Variants in DYRK3 observed in about 807,000 individuals in gnomAD.
DYRK3 encodes dual specificity tyrosine-phosphorylation-regulated kinase 3.
Under a neutral mutation model 40.8 loss-of-function variants are expected in DYRK3, and 30 were observed. The ratio of observed to expected loss-of-function variants is 0.74; its 90% CI spans 0.55 to 1.00. DYRK3 has a LOEUF of 1.00. Ranked by LOEUF, DYRK3 falls within the 50% of genes least tolerant of loss-of-function variation. The pLI, the probability that DYRK3 is intolerant of heterozygous loss-of-function variation, is 0.00. For missense variants in DYRK3, 699 were observed against 731.5 expected (o/e 0.96, Z 0.51); for synonymous variants, 272 against 260.7 (o/e 1.04, Z -0.42).
rs547536454 is a variant in DYRK3, at chr1:206,653,217, C to T, written c.*4252C>T. On this transcript the variant is annotated 3_prime_UTR_variant, in exon 3 of 3. Transcript: ENST00000367109. ...TATATCTGTAGAGAGGGGGTTTCAC[C>T]ATGTTGCTCGGGCTGGTCTTGAACT... Among the ~76,000 whole-genome samples, 5 of 152,146 alleles carry T rather than the reference C, an allele frequency of 3.3e-5. No individual in the cohort carries two copies. Among genetic ancestry groups the T allele is most frequent in the African/African-American group, 1.2e-4 (5 of 41,468 alleles).
intron 2 of DYRK3, among the ~76,000 whole-genome samples, chr1:206,638,865 AC>A (rs1671195839): frequency 6.9e-6 from 1 of 145,054 alleles, no homozygotes; most frequent in Non-Finnish European, 1.5e-5. Context: ...CTTAAAATCA[AC>A]CTTTTTCCTT....
Position 206,647,940 on chromosome 1 carries a change from C to CG in DYRK3, c.743dup (p.Gln249SerfsTer4). The CG allele has an allele frequency of 2.5e-6, 4 of 1,614,022 alleles. No homozygotes were observed. Among genetic ancestry groups the CG allele is most frequent in the Non-Finnish European group, 3.4e-6 (4 of 1,180,012 alleles). On this transcript the variant is annotated frameshift_variant, in exon 3 of 3. Transcript: ENST00000367109. LOFTEE classifies it high-confidence loss of function. ...GGTGCGCAATGAGAAGCGCTTTCAT[C>CG]GTCAAGCAGCTGAGGAGATCCGGAT...
rs200284299 is a variant in DYRK3, at chr1:206,648,677, C to T, written c.1479C>T (p.Tyr493=). The T allele has an allele frequency of 1.2e-6, 2 of 1,614,020 alleles. No individual in the cohort carries two copies. Among genetic ancestry groups the T allele is most frequent in the South Asian group, 1.1e-5 (1 of 91,074 alleles). ...CAGCACTGAAAGGGTGTGATGACTA[C>T]TTGTTTATAGAGTTCTTGAAAAGGT... ...WGTALKGCDD[Y]LFIEFLKRCL... is the part of the protein sequence containing the mutation. Residue 493 remains tyrosine, a synonymous_variant, in exon 3 of 3, where the codon TAC becomes TAT. Transcript: ENST00000367109.
At chr1:206,645,723 T>C (rs1671432630) in intron 2 of DYRK3, among the ~76,000 whole-genome samples, 1 of 151,588 alleles carries the variant, frequency 6.6e-6, no homozygotes, top group Non-Finnish European at 1.5e-5. Flanking sequence ...GGTGGGGTTT[T>C]GCCATGTTGG....
Position 206,648,822 on chromosome 1 carries a change from G to A in DYRK3, c.1624G>A (p.Val542Ile). The change falls in exon 3 of 3, where the codon GTT becomes ATT. Residue 542 changes from valine to isoleucine, a missense_variant. Physicochemically the swap from Val to Ile is conservative, Grantham distance 29. Coordinates refer to ENST00000367109, the MANE Select transcript of DYRK3 (RefSeq NM_003582.4). Reference sequence around the variant, plus strand: ...AGACAAGGTGTCAGGGAAACGGGTAGTTAATCCTGCAAGTGCTTTCCAGGG... The same window carrying A: ...AGACAAGGTGTCAGGGAAACGGGTAATTAATCCTGCAAGTGCTTTCCAGGG... ...TIDKVSGKRV[V>I]NPASAFQGLG... The A allele has an allele frequency of 6.2e-7, 1 of 1,614,222 alleles. No homozygotes were observed. Among genetic ancestry groups the A allele is most frequent in the Non-Finnish European group, 8.5e-7 (1 of 1,180,038 alleles).
intron 1 of DYRK3, chr1:206,636,006 G>C: frequency 5.6e-6 from 8 of 1,433,394 alleles, no homozygotes; most frequent in Non-Finnish European, 7.3e-6. Flanking sequence ...CGGAGTTAGA[G>C]CAAGAAGAAT....
intron 2 of DYRK3, among the ~76,000 whole-genome samples, chr1:206,644,179 C>A (rs1230689703): frequency 6.6e-6 from 1 of 151,802 alleles, no homozygotes; most frequent in Non-Finnish European, 1.5e-5. Flanking sequence ...GGATTACAGG[C>A]ACACACTACC....
rs1553421543 is a variant in DYRK3, at chr1:206,653,284, C to G, written c.*4319C>G. On this transcript the variant is annotated 3_prime_UTR_variant, in exon 3 of 3. Coordinates refer to ENST00000367109, the MANE Select transcript of DYRK3 (RefSeq NM_003582.4). ...CCATGTGCCTTACCCTCTCAAAGTGCTGGGATTATAGGTGTGAGCGACCGT... is the reference window on the plus strand; with the variant it reads ...CCATGTGCCTTACCCTCTCAAAGTGGTGGGATTATAGGTGTGAGCGACCGT... Among the ~76,000 whole-genome samples the G allele has an allele frequency of 6.6e-6, 1 of 152,144 alleles. No individual in the cohort carries two copies. Among genetic ancestry groups the G allele is most frequent in the Non-Finnish European group, 1.5e-5 (1 of 68,026 alleles).
intron 2 of DYRK3, among the ~76,000 whole-genome samples, chr1:206,641,900 A>G (rs1433887095): frequency 6.6e-6 from 1 of 150,780 alleles, no homozygotes; most frequent in Non-Finnish European, 1.5e-5. Context: ...ACCAAATGCA[A>G]CGGCAACAAA....
In DYRK3 at chr1:206,651,163, ATGC is replaced by A. The variant is rs1405273830; in HGVS notation, c.*2203_*2205del. On this transcript the variant is annotated 3_prime_UTR_variant, in exon 3 of 3. Transcript: ENST00000367109. ...TTGATCTCTTCAGATGTCACACTAA[ATGC>A]TGCTCATAACCCATCCTCCTCTTCT... Among the ~76,000 whole-genome samples the A allele has an allele frequency of 6.6e-6, 1 of 152,192 alleles. No homozygotes were observed. The highest frequency in any genetic ancestry group is 1.5e-5 in the Non-Finnish European group (1 of 68,036).
chr1:206,648,892 T>C lies in DYRK3; in HGVS notation c.1694T>C (p.Leu565Pro), dbSNP rs1553420904. Residue 565 changes from leucine (L) to proline (P), a missense_variant, in exon 3 of 3, where the codon CTT becomes CCT. Coordinates refer to ENST00000367109, the MANE Select transcript of DYRK3 (RefSeq NM_003582.4). ...LPPVVGIANKLKANLMSETNG... is the reference protein window; with the variant it reads ...LPPVVGIANKPKANLMSETNG... Reference sequence around the variant, plus strand: ...CCAGTTGTTGGAATAGCCAATAAGCTTAAAGCTAACTTAATGTCAGAAACC... The same window carrying C: ...CCAGTTGTTGGAATAGCCAATAAGCCTAAAGCTAACTTAATGTCAGAAACC... The C allele has an allele frequency of 5.6e-6, 9 of 1,614,196 alleles. No homozygotes were observed. The highest frequency in any genetic ancestry group is 7.6e-6 in the Non-Finnish European group (9 of 1,180,030).
rs147342674 is a variant in DYRK3 at position 206,651,079 on chromosome 1, C to T, written c.*2114C>T. Among the ~76,000 whole-genome samples the T allele has an allele frequency of 2.6e-5, 4 of 152,258 alleles. No individual in the cohort carries two copies. Among genetic ancestry groups the T allele is most frequent in the African/African-American group, 9.6e-5 (4 of 41,542 alleles). On this transcript the variant is annotated 3_prime_UTR_variant, in exon 3 of 3. Coordinates refer to ENST00000367109, the MANE Select transcript of DYRK3 (RefSeq NM_003582.4). ...TGCATCCTATCTCTTGATTCCATTG[C>T]CTGAAGAAGCTGTGTGAAATTAGTC...
rs868918144 is a variant in DYRK3, at chr1:206,650,218, T to C, written c.*1253T>C. On this transcript the variant is annotated 3_prime_UTR_variant, in exon 3 of 3. Transcript: ENST00000367109. ...GGTTTTGTTTGTTGTTTCCTGTCCC[T>C]TGCTCTATTTCTGTCCTCTTCCAGA... is the stretch of plus-strand genomic sequence containing the variant. 1.4e-4 allele frequency among the ~76,000 whole-genome samples: 21 copies of C among 152,246 alleles called. No homozygotes were observed. The highest frequency in any genetic ancestry group is 4.6e-4 in the African/African-American group (19 of 41,462).
intron 2 of DYRK3, among the ~76,000 whole-genome samples, chr1:206,640,229 C>A (rs1558555699): frequency 6.6e-6 from 1 of 152,112 alleles, no homozygotes; most frequent in African/African-American, 2.4e-5. Context: ...AGCCACCACG[C>A]CTGGCTGTCT....
At chr1:206,636,814 A>G (rs1572438314) in intron 1 of DYRK3, 4 of 1,102,224 alleles carry the variant, frequency 3.6e-6, no homozygotes, top group East Asian at 5.2e-5. Context: ...GATGAAATAC[A>G]TTATTCAGGG....
In DYRK3 at chr1:206,637,705, C is replaced by G. The variant is rs1671155805; in HGVS notation, c.133C>G (p.Pro45Ala). The G allele has an allele frequency of 6.2e-7, 1 of 1,613,900 alleles. No individual in the cohort carries two copies. Among genetic ancestry groups the G allele is most frequent in the Non-Finnish European group, 8.5e-7 (1 of 1,179,986 alleles). Residue 45 changes from proline (P) to alanine (A), a missense_variant, in exon 2 of 3, where the codon CCC becomes GCC. Physicochemically the swap from Pro to Ala is conservative, Grantham distance 27. Transcript: ENST00000367109. ...GATGATAGATGAAACCAAATGTCCC[C>G]CCTGTTCAAATGTACTCTGCAATCC... ...FMMIDETKCP[P>A]CSNVLCNPSE...
chr1:206,645,682 C>CTTTTTTTTTTTT (rs1226901506), intron 2 of DYRK3, among the ~76,000 whole-genome samples: 1 of 126,934 alleles, frequency 7.9e-6, no homozygotes, highest in Non-Finnish European at 1.7e-5. Flanking sequence ...TCACATCTGG[C>CTTTTTTTTTTTT]TTTTTTTTTT....
Position 206,635,758 on chromosome 1 carries a change from G to C in DYRK3, c.55G>C (p.Gly19Arg). The change falls in exon 1 of 3, where the codon GGG (glycine) becomes CGG (arginine). Residue 19 changes from glycine to arginine, a missense_variant. By Grantham distance (125) the Gly-to-Arg change is moderately radical. Coordinates refer to ENST00000367109, the MANE Select transcript of DYRK3 (RefSeq NM_003582.4). ...GRKDAGPPGAGLPPQQRRLGD... is the reference protein window; with the variant it reads ...GRKDAGPPGARLPPQQRRLGD... ...GAAGGATGCGGGGCCGCCTGGGGCCGGGCTCCCGCCCCAGCAGCGGAGGTA... is the reference window on the plus strand; with the variant it reads ...GAAGGATGCGGGGCCGCCTGGGGCCCGGCTCCCGCCCCAGCAGCGGAGGTA... 1.6e-6 allele frequency: 2 copies of C among 1,244,672 alleles called. No homozygotes were observed. The highest frequency in any genetic ancestry group is 2.0e-6 in the Non-Finnish European group (2 of 989,028). The allele number at this position is 1,244,672 out of a possible 1,614,324, so 77.1% of individuals were successfully genotyped here. A position where few individuals can be genotyped will look rare whatever the true frequency, so the allele number is the denominator to read the frequency against.
chr1:206,639,208 C>T (rs564049474), intron 2 of DYRK3, among the ~76,000 whole-genome samples: 1 of 152,276 alleles, frequency 6.6e-6, no homozygotes, highest in South Asian at 2.1e-4. Flanking sequence ...TAGTAGTATA[C>T]AAAACGTGAG....
Sources: gnomAD v4.1 joint callset for allele counts (sites outside exome capture counted in the v4.1 genomes callset) on GRCh38, gnomAD v4.1.1 for gene constraint, MANE v1.5 for transcripts, NCBI Gene and HGNC (gene_info 2026-07-23, HGNC 2026-07-21) for gene names.